TBCK: variants seen among roughly 807,000 people sequenced by gnomAD.
TBCK encodes the protein TBC1 domain containing kinase.
In TBCK, 99 loss-of-function variants were observed where a neutral mutation model predicts 113.4. The observed-to-expected ratio is 0.87, with a 90% CI of 0.74 to 1.03. The LOEUF is 1.03. Among genes scored for constraint, TBCK ranks in the 50% least tolerant of loss-of-function variants. The pLI is 0.00. For missense variants in TBCK, 1,045 were observed against 1,061.3 expected, an observed-to-expected ratio of 0.98 and a Z score of 0.21; for synonymous variants, 369 against 370.8, an observed-to-expected ratio of 1.00 and a Z score of 0.05.
At chr4:106,275,168 GAAGAA>G (rs1763894263) in intron 3 of TBCK, among the ~76,000 whole-genome samples, 2 of 152,102 alleles carry the variant, frequency 1.3e-5, no homozygotes, top group Non-Finnish European at 2.9e-5. Flanking sequence ...ATTCATTAAA[GAAGAA>G]AAATCATATC....
chr4:106,221,375 A>G (rs555706747), intron 19 of TBCK, among the ~76,000 whole-genome samples: 1 of 152,266 alleles, frequency 6.6e-6, no homozygotes, highest in East Asian at 1.9e-4. Flanking sequence ...TATTTTATGT[A>G]TTATTAAAAG....
At position 106,252,673 on chromosome 4, in the gene TBCK, G is replaced by A. The variant is rs562373011; in HGVS notation, c.456-666C>T. On this transcript the variant is annotated intron_variant, in intron 5 of 25. Coordinates refer to ENST00000394708, the MANE Select transcript of TBCK (RefSeq NM_001163435.3). ...TAATTTGATGAAACAAAAACATTTT[G>A]GAACTTCCATTCTTTTGCTATTACC... 2.0e-5 allele frequency among the ~76,000 whole-genome samples: 3 copies of A among 152,044 alleles called. No individual in the cohort carries two copies. The South Asian group carries it at 6.2e-4, about 32-fold the overall frequency.
chr4:106,264,857 C>A (rs566388597), intron 3 of TBCK, among the ~76,000 whole-genome samples: 1 of 151,820 alleles, frequency 6.6e-6, no homozygotes, highest in Non-Finnish European at 1.5e-5. Flanking sequence ...TCATGCACGG[C>A]GCATCTGAAA....
At chr4:106,132,167 G>A (rs2149623933) in intron 23 of TBCK, among the ~76,000 whole-genome samples, 3 of 152,352 alleles carry the variant, frequency 2.0e-5, no homozygotes, top group Admixed American at 2.0e-4. Flanking sequence ...AGACAATGGG[G>A]AAAATGTCTC....
chr4:106,171,294 G>C, intron 22 of TBCK, 24 bp from the exon 23 acceptor site: 1 of 1,575,162 alleles, frequency 6.3e-7, no homozygotes, highest in South Asian at 1.2e-5. Flanking sequence ...TTTTAAAAAA[G>C]CAAATGTATA....
At chr4:106,151,238 A>G (rs74416418) in intron 23 of TBCK, among the ~76,000 whole-genome samples, 1 of 151,926 alleles carries the variant, frequency 6.6e-6, no homozygotes, top group African/African-American at 2.4e-5. Flanking sequence ...TAAAATGTAC[A>G]ATTACATTAC....
rs72878682 is a variant in TBCK at position 106,179,741 on chromosome 4, T to A, written c.2060-8471A>T. On this transcript the variant is annotated intron_variant, in intron 22 of 25. Transcript: ENST00000394708. Reference sequence around the variant, plus strand: ...GCTGTTGGATGGAACGTTCTGTAAATGTCTGTTAGGTCCATTTGGTCTACA... The same window carrying A: ...GCTGTTGGATGGAACGTTCTGTAAAAGTCTGTTAGGTCCATTTGGTCTACA... Among the ~76,000 whole-genome samples the A allele has an allele frequency of 7.4e-3, 1,120 of 152,204 alleles. 9 individuals are homozygous for A. Among genetic ancestry groups the A allele is most frequent in the African/African-American group, 0.024 (996 of 41,552 alleles).
chr4:106,135,380 A>G (rs951565048), intron 23 of TBCK, among the ~76,000 whole-genome samples: 6 of 152,142 alleles, frequency 3.9e-5, no homozygotes, highest in African/African-American at 1.4e-4. Context: ...CAAAGGCAAT[A>G]TAACAGTAAC....
At chr4:106,157,709 C>T (rs1749294764) in intron 23 of TBCK, among the ~76,000 whole-genome samples, 1 of 152,022 alleles carries the variant, frequency 6.6e-6, no homozygotes, top group African/African-American at 2.4e-5. Flanking sequence ...CTGTTTCTAC[C>T]CTCCTCAGTG....
At chr4:106,181,536 G>T (rs1274659988) in intron 22 of TBCK, among the ~76,000 whole-genome samples, 1 of 151,974 alleles carries the variant, frequency 6.6e-6, no homozygotes, top group Non-Finnish European at 1.5e-5. Flanking sequence ...ATCTTGAGTT[G>T]ATTTTTGTAT....
intron 20 of TBCK, among the ~76,000 whole-genome samples, chr4:106,196,945 C>A (rs1158032465): frequency 6.6e-6 from 1 of 152,068 alleles, no homozygotes; most frequent in Non-Finnish European, 1.5e-5. Context: ...TCATCAAGAT[C>A]TATGGAAGAA....
intron 23 of TBCK, among the ~76,000 whole-genome samples, chr4:106,139,031 T>C (rs1448901582): frequency 7.1e-6 from 1 of 140,980 alleles, no homozygotes; most frequent in East Asian, 2.0e-4. Flanking sequence ...ATTGGGCTGC[T>C]GACTATATTA....
At position 106,076,622 on chromosome 4, in the gene TBCK, C is replaced by T. The variant is rs186059471; in HGVS notation, c.2571+18860G>A. ...AATCGTATAGGTAACTAGAGAGAAG[C>T]GGCGGGTCACTTACAAAGGGAACTC... On this transcript the variant is annotated intron_variant, in intron 25 of 25. Coordinates refer to ENST00000394708, the MANE Select transcript of TBCK (RefSeq NM_001163435.3). Among the ~76,000 whole-genome samples the T allele has an allele frequency of 1.1e-3, 173 of 152,186 alleles. 2 individuals are homozygous for T. Among genetic ancestry groups the T allele is most frequent in the African/African-American group, 3.8e-3 (156 of 41,538 alleles).
chr4:106,278,865 A>G (rs752889919), intron 3 of TBCK, among the ~76,000 whole-genome samples: 7 of 152,030 alleles, frequency 4.6e-5, no homozygotes, highest in Non-Finnish European at 8.8e-5. Flanking sequence ...CTCTATTGCA[A>G]TAACCCAAAA....
At chr4:106,312,683 A>G (rs1386624744) in intron 1 of TBCK, among the ~76,000 whole-genome samples, 1 of 152,164 alleles carries the variant, frequency 6.6e-6, no homozygotes, top group Non-Finnish European at 1.5e-5. Context: ...ATAGCTAAAA[A>G]CCAGAAGCAA....
At chr4:106,110,717 G>A (rs1346550232) in intron 24 of TBCK, among the ~76,000 whole-genome samples, 2 of 152,124 alleles carry the variant, frequency 1.3e-5, no homozygotes, top group Non-Finnish European at 2.9e-5. Context: ...TAGTTAGGGT[G>A]GCTCTGGTCC....
rs1351521232 is a variant in TBCK at position 106,044,608 on chromosome 4, C to T, written c.*1962G>A. 1 of 152,038 alleles carries T rather than the reference C, an allele frequency of 6.6e-6. No individual in the cohort carries two copies. The highest frequency in any genetic ancestry group is 1.9e-4 in the East Asian group (1 of 5,176). 9.4% of individuals were successfully genotyped at this position (152,038 alleles called of 1,614,324 possible). ...TCATATGCAAGAATGAACCTGGACCCCTCACTCCATATACAAAAATTTATC... is the reference window on the plus strand; with the variant it reads ...TCATATGCAAGAATGAACCTGGACCTCTCACTCCATATACAAAAATTTATC... On this transcript the variant is annotated 3_prime_UTR_variant, in exon 26 of 26. Coordinates refer to ENST00000394708, the MANE Select transcript of TBCK (RefSeq NM_001163435.3).
intron 23 of TBCK, among the ~76,000 whole-genome samples, chr4:106,159,910 A>C (rs1028031006): frequency 6.6e-6 from 1 of 152,016 alleles, no homozygotes; most frequent in African/African-American, 2.4e-5. Flanking sequence ...AAACAGTATG[A>C]TACTGGCATA....
intron 23 of TBCK, among the ~76,000 whole-genome samples, chr4:106,139,009 G>A (rs1400471056): frequency 7.1e-6 from 1 of 140,388 alleles, no homozygotes; most frequent in Non-Finnish European, 1.6e-5. Context: ...ATTTTCCAAG[G>A]TACAATCTTG....
Sources: gnomAD v4.1 joint callset for allele counts (sites outside exome capture counted in the v4.1 genomes callset) on GRCh38, gnomAD v4.1.1 for gene constraint, MANE v1.5 for transcripts, NCBI Gene and HGNC (gene_info 2026-07-23, HGNC 2026-07-21) for gene names.